The following CHCHD6 variants were observed in gnomAD, a reference collection of about 807,000 sequenced individuals.
The protein encoded by CHCHD6 is MICOS complex subunit MIC25.
Under a neutral mutation model 32.3 loss-of-function variants are expected in CHCHD6, and 28 were observed. That is an observed-to-expected ratio of 0.87 (90% CI 0.64 to 1.19). CHCHD6 has a LOEUF of 1.19. Among genes scored for constraint, CHCHD6 ranks in the 50% most tolerant of loss-of-function variants. The probability of loss-of-function intolerance (pLI) is 0.00; values close to 1 mark genes in which losing one functional copy is unlikely to be tolerated. For synonymous variants in CHCHD6, 122 were observed against 117.5 expected (o/e 1.04, Z -0.25); for missense variants, 333 against 307.0 (o/e 1.08, Z -0.63).
At chr3:126,757,735 G>A (rs1166316690) in intron 4 of CHCHD6, among the ~76,000 whole-genome samples, 1 of 152,166 alleles carries the variant, frequency 6.6e-6, no homozygotes, top group African/African-American at 2.4e-5. Context: ...GAAATTGTAA[G>A]AAAACACAGC....
chr3:126,942,933 G>A (rs1027435944), intron 6 of CHCHD6, among the ~76,000 whole-genome samples: 3 of 152,180 alleles, frequency 2.0e-5, no homozygotes, highest in Non-Finnish European at 4.4e-5. Context: ...TATTTCACAA[G>A]TCCATAGTGA....
At chr3:126,922,551 T>C (rs1168691245) in intron 6 of CHCHD6, among the ~76,000 whole-genome samples, 1 of 152,232 alleles carries the variant, frequency 6.6e-6, no homozygotes, top group Non-Finnish European at 1.5e-5. Context: ...GGCATTCAGC[T>C]GCTTGCTGCT....
chr3:126,778,315 C>G (rs1418907850), intron 4 of CHCHD6, among the ~76,000 whole-genome samples: 1 of 152,134 alleles, frequency 6.6e-6, no homozygotes, highest in African/African-American at 2.4e-5. Context: ...CAAATAGTAA[C>G]TCTATGTTTA....
chr3:126,744,720 T>C (rs1375681073), intron 4 of CHCHD6, among the ~76,000 whole-genome samples: 1 of 152,078 alleles, frequency 6.6e-6, no homozygotes, highest in African/African-American at 2.4e-5. Context: ...CAGAGTCTCA[T>C]TCTGACACCC....
chr3:126,732,862 T>C (rs1935871416), intron 3 of CHCHD6, among the ~76,000 whole-genome samples: 1 of 152,182 alleles, frequency 6.6e-6, no homozygotes, highest in African/African-American at 2.4e-5. Flanking sequence ...CTCAGTGTCA[T>C]TGTCTCCTCT....
At chr3:126,778,129 C>T (rs554574817) in intron 4 of CHCHD6, among the ~76,000 whole-genome samples, 3 of 152,202 alleles carry the variant, frequency 2.0e-5, no homozygotes, top group Non-Finnish European at 4.4e-5. Flanking sequence ...CACCAATATT[C>T]CATTGTATGG....
chr3:126,845,386 A>C lies in CHCHD6; in HGVS notation c.412-7261A>C, dbSNP rs1941259271. On this transcript the variant is annotated intron_variant, in intron 4 of 7. Coordinates refer to ENST00000290913, the MANE Select transcript of CHCHD6 (RefSeq NM_032343.3). ...CTAGAAATTATTTTTCAAAAACATA[A>C]TCTACGTTCAAAAATATCCCATTAC... 3.3e-5 allele frequency among the ~76,000 whole-genome samples: 5 copies of C among 152,324 alleles called. 1 individual carries two copies. In the South Asian group the frequency reaches 1.0e-3, roughly 32 times the overall value.
Position 126,721,341 on chromosome 3 carries a change from T to G in CHCHD6, c.88-5737T>G, listed in dbSNP as rs538556823. ...CGCACGGTCTCTTCCTGTCTGTGCC[T>G]CTTCCCCGGTGCCCTGCCCTAGGCT... On this transcript the variant is annotated intron_variant, in intron 1 of 7. Transcript: ENST00000290913. 3.9e-5 allele frequency among the ~76,000 whole-genome samples: 6 copies of G among 152,322 alleles called. No individual in the cohort carries two copies. In the South Asian group the frequency reaches 1.2e-3, roughly 32 times the overall value.
At chr3:126,826,687 A>G (rs1354905240) in intron 4 of CHCHD6, among the ~76,000 whole-genome samples, 1 of 152,142 alleles carries the variant, frequency 6.6e-6, no homozygotes, top group Non-Finnish European at 1.5e-5. Context: ...TTATATATAT[A>G]TATCTAATAA....
intron 6 of CHCHD6, among the ~76,000 whole-genome samples, chr3:126,931,737 G>T (rs899954724): frequency 6.6e-6 from 1 of 152,150 alleles, no homozygotes; most frequent in African/African-American, 2.4e-5. Context: ...TCTGTTCCAA[G>T]CTGATTACCA....
In CHCHD6 at chr3:126,925,749, A is replaced by G. The variant is rs1406487869; in HGVS notation, c.566+10999A>G. On this transcript the variant is annotated intron_variant, in intron 6 of 7. Transcript: ENST00000290913. ...TTCCGCCTTTTAATGGCTTACTCTC[A>G]TAACCCCTGCTCCAGCACCGGGGGC... Among the ~76,000 whole-genome samples the G allele has an allele frequency of 2.6e-5, 4 of 152,218 alleles. No homozygotes were observed. In the East Asian group the frequency reaches 7.7e-4, roughly 29 times the overall value.
At chr3:126,747,264 G>C (rs1039321047) in intron 4 of CHCHD6, among the ~76,000 whole-genome samples, 1 of 152,168 alleles carries the variant, frequency 6.6e-6, no homozygotes, top group African/African-American at 2.4e-5. Flanking sequence ...TGTGCTCTTT[G>C]TAATTGCGTG....
intron 4 of CHCHD6, among the ~76,000 whole-genome samples, chr3:126,811,412 A>C (rs1939649154): frequency 6.6e-6 from 1 of 152,152 alleles, no homozygotes; most frequent in Non-Finnish European, 1.5e-5. Context: ...TTTATATGAA[A>C]CATCTCAAGT....
intron 4 of CHCHD6, among the ~76,000 whole-genome samples, chr3:126,734,918 T>A (rs1441061483): frequency 6.6e-6 from 1 of 152,176 alleles, no homozygotes; most frequent in Non-Finnish European, 1.5e-5. Flanking sequence ...CAATGGTTCC[T>A]GAAGTTTGTA....
At chr3:126,863,936 T>A in intron 5 of CHCHD6, among the ~76,000 whole-genome samples, 1 of 30,584 alleles carries the variant, frequency 3.3e-5, no homozygotes. Flanking sequence ...ACCTCCTCCT[T>A]CTCCACCATC....
At chr3:126,804,651 A>G (rs1466954154) in intron 4 of CHCHD6, among the ~76,000 whole-genome samples, 1 of 152,224 alleles carries the variant, frequency 6.6e-6, no homozygotes, top group Non-Finnish European at 1.5e-5. Flanking sequence ...TCCTTCTGAA[A>G]CTATTCCAAT....
rs147231379 is a variant in CHCHD6, at chr3:126,751,939, C to T, written c.411+18717C>T. ...AGTTATGCCCCTCCAAAGCCTTGTA[C>T]CCTGTCCACCTCTGGGACACGGCCT... On this transcript the variant is annotated intron_variant, in intron 4 of 7. Coordinates refer to ENST00000290913, the MANE Select transcript of CHCHD6 (RefSeq NM_032343.3). 3.3e-5 allele frequency among the ~76,000 whole-genome samples: 5 copies of T among 152,324 alleles called. No individual in the cohort carries two copies. The East Asian group carries it at 9.7e-4, about 29-fold the overall frequency.
chr3:126,915,256 C>T (rs750896658), intron 6 of CHCHD6, among the ~76,000 whole-genome samples: 3 of 152,250 alleles, frequency 2.0e-5, no homozygotes, highest in Non-Finnish European at 4.4e-5. Flanking sequence ...CAGAGAGCTG[C>T]TGGCTTGCTC....
intron 4 of CHCHD6, among the ~76,000 whole-genome samples, chr3:126,825,751 C>T (rs1197780822): frequency 6.6e-6 from 1 of 152,172 alleles, no homozygotes; most frequent in Non-Finnish European, 1.5e-5. Flanking sequence ...CATTTTCCAT[C>T]CTTTTTTCAC....
Sources: allele counts gnomAD v4.1 joint callset (sites outside exome capture counted in the v4.1 genomes callset), GRCh38; gene constraint gnomAD v4.1.1; transcripts MANE v1.5; gene names NCBI Gene and HGNC (gene_info 2026-07-23, HGNC 2026-07-21).